SHROOM3: variants seen among roughly 807,000 people sequenced by gnomAD.
The protein encoded by SHROOM3 is shroom family member 3, also known as protein Shroom3.
SHROOM3 carries 47 observed loss-of-function variants against 138.6 expected under a neutral mutation model. That is an observed-to-expected ratio of 0.34 (90% CI 0.27 to 0.43). The LOEUF (loss-of-function observed/expected upper bound fraction) is 0.43. Among genes scored for constraint, SHROOM3 ranks in the 20% least tolerant of loss-of-function variants. SHROOM3 has a pLI of 1.00. For missense variants in SHROOM3, 2,491 were observed against 2,596.5 expected (o/e 0.96, Z 0.88); for synonymous variants, 1,062 against 1,063.3 (o/e 1.00, Z 0.02).
intron 2 of SHROOM3, among the ~76,000 whole-genome samples, chr4:76,665,296 C>T (rs1718661031): frequency 6.6e-6 from 1 of 152,126 alleles, no homozygotes; most frequent in Non-Finnish European, 1.5e-5. Context: ...TGGCTGGGAT[C>T]CATGGGGTTT....
intron 2 of SHROOM3, among the ~76,000 whole-genome samples, chr4:76,584,052 C>T (rs1295295640): frequency 1.1e-4 from 16 of 152,168 alleles, no homozygotes; most frequent in South Asian, 2.1e-4. Context: ...CGGCGGCTCA[C>T]GCCTATAATC....
In SHROOM3 at chr4:76,778,699, G is replaced by T. The variant is rs557763392; in HGVS notation, c.5623-110G>T. ...GCCTCCTTACTTAGGAGTGACAATA[G>T]GAATAGAGCTTAGATATTTCCCAGT... On this transcript the variant is annotated intron_variant, in intron 10 of 10. Coordinates refer to ENST00000296043, the MANE Select transcript of SHROOM3 (RefSeq NM_020859.4). 929 of 1,458,832 alleles carry T rather than the reference G, an allele frequency of 6.4e-4. 5 individuals are homozygous for T. In the Middle Eastern group the frequency reaches 8.0e-3, roughly 13 times the overall value. 90.4% of individuals were successfully genotyped at this position (1,458,832 alleles called of 1,614,324 possible). A position where few individuals can be genotyped will look rare whatever the true frequency, so the allele number is the denominator to read the frequency against.
At chr4:76,591,753 G>A (rs1028217222) in intron 2 of SHROOM3, among the ~76,000 whole-genome samples, 2 of 151,068 alleles carry the variant, frequency 1.3e-5, no homozygotes, top group Middle Eastern at 3.4e-3. Context: ...TCCTAATGAC[G>A]TTTTTCTTTC....
In SHROOM3 at chr4:76,741,819, G is replaced by T. The variant is rs1414730478; in HGVS notation, c.3646G>T (p.Ala1216Ser). ...PREPSSWGAR[A>S]GKSMSAEDLL... ...GGAGCCATCCTCCTGGGGGGCCAGG[G>T]CCGGGAAGTCCATGTCGGCCGAGGA... is the stretch of plus-strand genomic sequence containing the variant. Residue 1216 changes from alanine to serine, a missense_variant, in exon 5 of 11, where the codon GCC becomes TCC. Transcript: ENST00000296043. This position sits in a 1 kb window ranked among gnomAD's most constrained non-coding sequence, Gnocchi z 6.2. 4.4e-6 allele frequency: 7 copies of T among 1,591,504 alleles called. No individual in the cohort carries two copies.
chr4:76,572,860 C>T (rs1427283659), intron 2 of SHROOM3, among the ~76,000 whole-genome samples: 1 of 152,082 alleles, frequency 6.6e-6, no homozygotes, highest in Admixed American at 6.5e-5. Context: ...GCAGGTGGAT[C>T]ACTTGAGGTC....
intron 1 of SHROOM3, among the ~76,000 whole-genome samples, chr4:76,502,127 C>G (rs1730277154): frequency 6.6e-6 from 1 of 152,168 alleles, no homozygotes; most frequent in Non-Finnish European, 1.5e-5. Context: ...AGCTCTCTGG[C>G]ATGTGATGCC....
chr4:76,569,613 T>A (rs1217593046), intron 2 of SHROOM3, among the ~76,000 whole-genome samples: 1 of 152,194 alleles, frequency 6.6e-6, no homozygotes, highest in Non-Finnish European at 1.5e-5. Context: ...TAATTTGGGA[T>A]GTTCATGTTT....
intron 2 of SHROOM3, among the ~76,000 whole-genome samples, chr4:76,557,226 T>TACACACACACAC (rs35294663): frequency 0.013 from 1,894 of 141,970 alleles, 20 homozygotes; most frequent in African/African-American, 0.031. Flanking sequence ...TGTTTATGTA[T>TACACACACACAC]ACACACACAC....
At chr4:76,443,296 C>G (rs1730735115) in intron 1 of SHROOM3, among the ~76,000 whole-genome samples, 1 of 152,208 alleles carries the variant, frequency 6.6e-6, no homozygotes, top group African/African-American at 2.4e-5. Flanking sequence ...ACTCTGCTTT[C>G]TTTCACAGCT....
At chr4:76,760,510 T>G (rs1054580457) in intron 9 of SHROOM3, among the ~76,000 whole-genome samples, 1 of 152,324 alleles carries the variant, frequency 6.6e-6, no homozygotes, top group Non-Finnish European at 1.5e-5. Flanking sequence ...TGGTTTTCAG[T>G]GATCCTGATT....
At chr4:76,669,910 C>T (rs1718827962) in intron 2 of SHROOM3, among the ~76,000 whole-genome samples, 1 of 152,220 alleles carries the variant, frequency 6.6e-6, no homozygotes, top group Non-Finnish European at 1.5e-5. Flanking sequence ...GCCAACTGGG[C>T]ACACCCACAC....
intron 2 of SHROOM3, among the ~76,000 whole-genome samples, chr4:76,558,536 C>T (rs768531060): frequency 1.1e-4 from 17 of 152,110 alleles, no homozygotes; most frequent in Admixed American, 3.3e-4. Flanking sequence ...AGTGAGTTTA[C>T]AACCATTTAA....
intron 9 of SHROOM3, among the ~76,000 whole-genome samples, chr4:76,759,913 C>T (rs1228848635): frequency 6.6e-6 from 1 of 152,098 alleles, no homozygotes; most frequent in Non-Finnish European, 1.5e-5. Context: ...AGCTACTGTA[C>T]TTTTCGTTTT....
chr4:76,484,588 CAAA>C (rs1343117037), intron 1 of SHROOM3, among the ~76,000 whole-genome samples: 2 of 145,616 alleles, frequency 1.4e-5, no homozygotes, highest in Non-Finnish European at 3.0e-5. Context: ...AACAAACAAA[CAAA>C]CAAACAAACA....
chr4:76,504,181 G>A (rs1043381725), intron 1 of SHROOM3, among the ~76,000 whole-genome samples: 6 of 151,612 alleles, frequency 4.0e-5, no homozygotes, highest in Non-Finnish European at 4.4e-5. Context: ...TTTTTGAAAC[G>A]GAGTTTTACA....
chr4:76,724,532 G>A (rs780534347), intron 3 of SHROOM3, among the ~76,000 whole-genome samples: 1 of 151,868 alleles, frequency 6.6e-6, no homozygotes. Context: ...TAATACATGC[G>A]TATAGTATAA....
chr4:76,649,428 A>G (rs760844513), intron 2 of SHROOM3, among the ~76,000 whole-genome samples: 2 of 152,214 alleles, frequency 1.3e-5, no homozygotes, highest in African/African-American at 2.4e-5. Context: ...AGAAAGCAAA[A>G]TGATTTTTAA....
chr4:76,558,047 G>A (rs1161662362), intron 2 of SHROOM3, among the ~76,000 whole-genome samples: 2 of 152,118 alleles, frequency 1.3e-5, no homozygotes, highest in African/African-American at 2.4e-5. Context: ...GGAAACACTG[G>A]GCATTGATCT....
chr4:76,732,595 C>T (rs891475901), intron 4 of SHROOM3, among the ~76,000 whole-genome samples: 7 of 152,240 alleles, frequency 4.6e-5, no homozygotes, highest in African/African-American at 1.7e-4. Context: ...GCCATCTGTT[C>T]TCAGAGAGCA....
Sources: gnomAD v4.1 joint callset for allele counts (sites outside exome capture counted in the v4.1 genomes callset) on GRCh38, gnomAD v4.1.1 for gene constraint, Gnocchi (gnomAD v3.1) non-coding constraint, MANE v1.5 for transcripts, NCBI Gene and HGNC (gene_info 2026-07-23, HGNC 2026-07-21) for gene names.